MZT2B: variants seen among roughly 807,000 people sequenced by gnomAD.
The protein encoded by MZT2B is mitotic spindle organizing protein 2B.
Under a neutral mutation model 12.1 loss-of-function variants are expected in MZT2B, and 11 were observed. That is an observed-to-expected ratio of 0.91 (90% CI 0.57 to 1.50). The LOEUF is 1.50. Ranked by LOEUF, MZT2B falls within the 40% of genes most tolerant of loss-of-function variation. The pLI, the probability that MZT2B is intolerant of heterozygous loss-of-function variation, is 0.00. For missense variants in MZT2B, 209 were observed against 227.7 expected (o/e 0.92, Z 0.53); for synonymous variants, 85 against 109.5 (o/e 0.78, Z 1.40).
downstream of MZT2B, chr2:130,194,313 C>A: frequency 2.5e-6 from 4 of 1,612,690 alleles, no homozygotes; most frequent in Non-Finnish European, 3.4e-6. Context: ...GCTGTGGAGA[C>A]CTGGGGGGCT....
Position 130,190,556 on chromosome 2 carries a change from G to A in MZT2B, c.407G>A (p.Arg136His), listed in dbSNP as rs367886426. The change falls in exon 3 of 3, where the codon CGC (arginine) becomes CAC (histidine). Residue 136 changes from arginine (R) to histidine (H), a missense_variant. Arg to His is a conservative substitution (Grantham distance 29). Coordinates refer to ENST00000281871, the MANE Select transcript of MZT2B (RefSeq NM_025029.5). ...SREGSSQRMP[R>H]QPSATRLPKG... The stretch of plus-strand genomic sequence containing the variant: ...GAAGGATCCAGCCAGAGGATGCCAC[G>A]CCAGCCCAGCGCTACCAGGCTGCCC... The A allele has an allele frequency of 1.9e-5, 31 of 1,613,608 alleles. No individual in the cohort carries two copies. The highest frequency in any genetic ancestry group is 2.2e-5 in the Non-Finnish European group (26 of 1,179,988).
At chr2:130,191,857 C>G (rs1690266831), downstream of MZT2B, 1 of 1,610,620 alleles carries the variant, frequency 6.2e-7, no homozygotes, top group African/African-American at 1.3e-5. Context: ...TCTTCAGCCT[C>G]AGCTTCCACG....
At chr2:130,201,738 T>G in the MZT2B span, among the ~76,000 whole-genome samples, 2 of 152,312 alleles carry the variant, frequency 1.3e-5, no homozygotes, top group East Asian at 3.9e-4. Flanking sequence ...CAATGCATCA[T>G]CAGGTAATTT....
rs1404133676 is a variant in MZT2B, at chr2:130,182,662, C to A, written c.206C>A (p.Pro69His). ...LVDLLKLNVA[P>H]LAVFQMLKSM... is the part of the protein sequence containing the mutation. ...GACCTGCTGAAGCTGAACGTGGCCC[C>A]CCTCGCCGTCTTCCAGATGCTCAAG... Residue 69 changes from proline to histidine, a missense_variant, in exon 2 of 3, where the codon CCC becomes CAC. Pro to His is a moderately conservative substitution (Grantham distance 77). Coordinates refer to ENST00000281871, the MANE Select transcript of MZT2B (RefSeq NM_025029.5). 17 of 1,552,878 alleles carry A rather than the reference C, an allele frequency of 1.1e-5. 1 individual carries two copies. The highest frequency in any genetic ancestry group is 3.6e-5 in the South Asian group (3 of 84,414).
the MZT2B span, among the ~76,000 whole-genome samples, chr2:130,203,537 T>C: frequency 7.2e-5 from 11 of 152,066 alleles, 1 homozygote; most frequent in South Asian, 2.3e-3. Context: ...GCTGAACTTG[T>C]GGTAAGTCCT....
the MZT2B span, chr2:130,198,561 G>T: frequency 1.7e-6 from 1 of 585,730 alleles, no homozygotes; most frequent in Non-Finnish European, 2.7e-6. Flanking sequence ...CTCAACACGT[G>T]TAGTGGGGAT....
At chr2:130,186,140 AG>A (rs1450514712) in intron 2 of MZT2B, among the ~76,000 whole-genome samples, 1 of 149,640 alleles carries the variant, frequency 6.7e-6, no homozygotes, top group Non-Finnish European at 1.5e-5. Flanking sequence ...GGAGGACATA[AG>A]GGGGGTTGTT....
chr2:130,193,018 G>A (rs968730035), downstream of MZT2B, among the ~76,000 whole-genome samples: 2 of 151,752 alleles, frequency 1.3e-5, no homozygotes, highest in African/African-American at 2.4e-5. Flanking sequence ...GCTTGAACCC[G>A]GGAGGTGGAG....
At chr2:130,188,737 C>T (rs1236195188) in intron 2 of MZT2B, among the ~76,000 whole-genome samples, 1 of 152,150 alleles carries the variant, frequency 6.6e-6, no homozygotes, top group Non-Finnish European at 1.5e-5. Flanking sequence ...CGTCCTATCC[C>T]TGCAGGGTAT....
chr2:130,182,210 C>T, upstream of MZT2B: 1 of 1,241,066 alleles, frequency 8.1e-7, no homozygotes, highest in Non-Finnish European at 1.0e-6. Context: ...GTTGACGCTG[C>T]AGGGAGAGGG....
chr2:130,204,383 A>G, the MZT2B span: 1 of 394,382 alleles, frequency 2.5e-6, no homozygotes, highest in East Asian at 7.4e-5. Flanking sequence ...TGAAGATCCA[A>G]GAAGCTCAGA....
upstream of MZT2B, chr2:130,181,745 G>T (rs1689667553): frequency 6.5e-7 from 1 of 1,548,526 alleles, no homozygotes; most frequent in Non-Finnish European, 8.7e-7. Context: ...GCGGGGGAGG[G>T]AGTGGTCCTT....
downstream of MZT2B, chr2:130,194,976 C>A: frequency 1.3e-6 from 2 of 1,555,310 alleles, no homozygotes; most frequent in South Asian, 2.5e-5. Context: ...CCGCGCCCGG[C>A]CAAGATGCTG....
At chr2:130,192,155 C>T (rs753081145), downstream of MZT2B, 27 of 1,581,296 alleles carry the variant, frequency 1.7e-5, no homozygotes, top group East Asian at 6.7e-5. Context: ...GAAAGCAGTC[C>T]GTGAAGCTTA....
chr2:130,193,904 A>G (rs1464388645), downstream of MZT2B: 2 of 1,614,240 alleles, frequency 1.2e-6, no homozygotes, highest in Admixed American at 3.3e-5. Context: ...GCAGCAGGCC[A>G]TGTACTTGCC....
At chr2:130,181,705 G>T, upstream of MZT2B, 1 of 1,548,500 alleles carries the variant, frequency 6.5e-7, no homozygotes, top group Non-Finnish European at 8.7e-7. Context: ...AGGCCGGCCG[G>T]GCGGGGAAGA....
chr2:130,191,959 C>G (rs1271377099), downstream of MZT2B: 1 of 1,614,038 alleles, frequency 6.2e-7, no homozygotes, highest in South Asian at 1.1e-5. Flanking sequence ...CCTTCGCCCA[C>G]GTACCAGTGC....
the MZT2B span, among the ~76,000 whole-genome samples, chr2:130,201,717 T>C: frequency 6.6e-6 from 1 of 152,198 alleles, no homozygotes; most frequent in African/African-American, 2.4e-5. Context: ...GCGGCTGGGA[T>C]ACGTTCTCGA....
the MZT2B span, among the ~76,000 whole-genome samples, chr2:130,204,780 A>G: frequency 6.6e-6 from 1 of 151,982 alleles, no homozygotes; most frequent in Non-Finnish European, 1.5e-5. Context: ...TTAATAAAAC[A>G]TCTTTGAAAA....
Sources: gnomAD v4.1 joint callset for allele counts (sites outside exome capture counted in the v4.1 genomes callset) on GRCh38, gnomAD v4.1.1 for gene constraint, MANE v1.5 for transcripts, NCBI Gene and HGNC (gene_info 2026-07-23, HGNC 2026-07-21) for gene names.